The following NDRG1 variants were observed in gnomAD, a reference collection of about 807,000 sequenced individuals.
NDRG1 encodes the protein protein NDRG1.
NDRG1 carries 32 observed loss-of-function variants against 56.9 expected under a neutral mutation model. The ratio of observed to expected loss-of-function variants is 0.56; its 90% CI spans 0.42 to 0.76. The LOEUF is 0.76. NDRG1 is among the 30% of genes least tolerant of loss of function. NDRG1 has a pLI of 0.00. For missense variants in NDRG1, 507 were observed against 545.7 expected (o/e 0.93, Z 0.71); for synonymous variants, 211 against 204.1 (o/e 1.03, Z -0.29).
chr8:133,280,742 T>G (rs1418871373), intron 2 of NDRG1, among the ~76,000 whole-genome samples: 3 of 152,220 alleles, frequency 2.0e-5, no homozygotes, highest in Non-Finnish European at 4.4e-5. Flanking sequence ...GCCGAGACTT[T>G]CCTTTTCATC....
chr8:133,280,343 T>C, intron 2 of NDRG1, 76 bp from the exon 3 acceptor site: 1 of 1,417,710 alleles, frequency 7.1e-7, no homozygotes, highest in Non-Finnish European at 1.0e-6. Flanking sequence ...CATATGGGCC[T>C]TTCTATGACC....
At chr8:133,244,939 T>C (rs1386580657) in intron 13 of NDRG1, among the ~76,000 whole-genome samples, 1 of 152,056 alleles carries the variant, frequency 6.6e-6, no homozygotes, top group African/African-American at 2.4e-5. Context: ...GCTGTGAGAC[T>C]GTGCAGCCAG....
chr8:133,296,351 C>T (rs1057449453), intron 1 of NDRG1: 11 of 404,760 alleles, frequency 2.7e-5, no homozygotes, highest in South Asian at 1.9e-4. Flanking sequence ...ACCCCTCTCG[C>T]CCAGGTCACT....
chr8:133,290,356 T>C (rs1283564177), intron 1 of NDRG1, among the ~76,000 whole-genome samples: 2 of 152,118 alleles, frequency 1.3e-5, no homozygotes, highest in African/African-American at 4.8e-5. Flanking sequence ...ACAGTATCTG[T>C]GGCACTAACT....
At chr8:133,241,865 G>A (rs564181235) in intron 15 of NDRG1, 158 bp downstream of exon 15, 3 of 777,154 alleles carry the variant, frequency 3.9e-6, no homozygotes, top group African/African-American at 3.4e-5. Flanking sequence ...GATCCTCCAG[G>A]CTGCCACATG....
In NDRG1 at chr8:133,244,380, C is replaced by T; in HGVS notation, c.866G>A (p.Cys289Tyr). The T allele has an allele frequency of 6.2e-7, 1 of 1,614,236 alleles. No individual in the cohort carries two copies. Among genetic ancestry groups the T allele is most frequent in the Non-Finnish European group, 8.5e-7 (1 of 1,180,040 alleles). Residue 289 changes from cysteine (C) to tyrosine (Y), a missense_variant, in exon 14 of 16, where the codon TGT (cysteine) becomes TAT (tyrosine). Coordinates refer to ENST00000323851, the MANE Select transcript of NDRG1 (RefSeq NM_006096.4). ...TKTTLLKMAD[C>Y]GGLPQISQPA... ...CTGGGAGATCTGCGGGAGGCCGCCA[C>T]AGTCCGCCATCTAGGAGAGAGGGAA... is the stretch of plus-strand genomic sequence containing the variant.
At chr8:133,255,792 C>A (rs1163261500) in intron 8 of NDRG1, 1 of 164,718 alleles carries the variant, frequency 6.1e-6, no homozygotes, top group Non-Finnish European at 1.3e-5. Context: ...AATGCACTTG[C>A]AGAATGAGAA....
chr8:133,254,095 G>GT (rs1856233092), intron 9 of NDRG1, among the ~76,000 whole-genome samples: 1 of 150,928 alleles, frequency 6.6e-6, no homozygotes, highest in African/African-American at 2.4e-5. Flanking sequence ...AAAAAAAAGA[G>GT]TACCTACTAT....
intron 2 of NDRG1, among the ~76,000 whole-genome samples, chr8:133,283,904 G>T (rs561971709): frequency 6.6e-6 from 1 of 152,186 alleles, no homozygotes; most frequent in Non-Finnish European, 1.5e-5. Flanking sequence ...CGGGAAAGCT[G>T]AGAGAACCTC....
At chr8:133,291,090 G>A (rs71526284) in intron 1 of NDRG1, among the ~76,000 whole-genome samples, 5,007 of 152,260 alleles carry the variant, frequency 0.033, 127 homozygotes, top group African/African-American at 0.058. Context: ...GTCCCCTGGA[G>A]GCCTTCAGTG....
At position 133,260,715 on chromosome 8, in the gene NDRG1, C is replaced by G. The variant is rs1242717552; in HGVS notation, c.326+1332G>C. ...TCCTGGCCCCATACGGTTGGCTGTC[C>G]CTTCCCTTCCTCTCTGATAAAGGTT... On this transcript the variant is annotated intron_variant, in intron 5 of 15. Transcript: ENST00000323851. 2.0e-5 allele frequency among the ~76,000 whole-genome samples: 3 copies of G among 152,278 alleles called. No individual in the cohort carries two copies. The East Asian group carries it at 5.8e-4, about 29-fold the overall frequency.
Position 133,280,262 on chromosome 8 carries a change from G to A in NDRG1, c.69C>T (p.Ile23=), listed in dbSNP as rs369862936. The A allele has an allele frequency of 2.5e-6, 4 of 1,614,104 alleles. No individual in the cohort carries two copies. The highest frequency in any genetic ancestry group is 3.4e-6 in the Non-Finnish European group (4 of 1,179,992). The part of the protein sequence containing the change: ...VKPLVEKGET[I]TGLLQEFDVQ... ...CATCAAACTCTTGCAGGAGGCCGGT[G>A]ATGGTCTGTGAAAAGACAAAAAAAA... is the stretch of plus-strand genomic sequence containing the variant. The change falls in exon 3 of 16, where the codon ATC becomes ATT. Residue 23 remains isoleucine, a synonymous_variant. Coordinates refer to ENST00000323851, the MANE Select transcript of NDRG1 (RefSeq NM_006096.4).
At chr8:133,294,516 C>A (rs1858622127) in intron 1 of NDRG1, among the ~76,000 whole-genome samples, 1 of 152,204 alleles carries the variant, frequency 6.6e-6, no homozygotes, top group Non-Finnish European at 1.5e-5. Context: ...ATGGGATTCT[C>A]TGGGGTTGGG....
chr8:133,285,928 T>C (rs746249741), intron 1 of NDRG1, among the ~76,000 whole-genome samples: 1 of 152,200 alleles, frequency 6.6e-6, no homozygotes, highest in Non-Finnish European at 1.5e-5. Context: ...CTCGCCTACA[T>C]GGCCTAGGGA....
chr8:133,280,412 G>C, intron 2 of NDRG1, 145 bp from the exon 3 acceptor site: 1 of 722,230 alleles, frequency 1.4e-6, no homozygotes, highest in South Asian at 1.7e-5. Context: ...ACAAAGGCAG[G>C]CTTTCCTTTT....
At chr8:133,285,495 C>T (rs1408246104) in intron 1 of NDRG1, among the ~76,000 whole-genome samples, 5 of 152,156 alleles carry the variant, frequency 3.3e-5, no homozygotes, top group African/African-American at 7.2e-5. Flanking sequence ...ATGCAATGGT[C>T]GAGAGAATGC....
intron 3 of NDRG1, among the ~76,000 whole-genome samples, chr8:133,266,120 G>A (rs1206285305): frequency 1.3e-5 from 2 of 152,246 alleles, no homozygotes; most frequent in African/African-American, 4.8e-5. Flanking sequence ...AGCTGGCTGA[G>A]GAAGTGAAGT....
intron 3 of NDRG1, among the ~76,000 whole-genome samples, chr8:133,265,699 C>CA (rs575882294): frequency 3.3e-4 from 48 of 146,926 alleles, no homozygotes; most frequent in South Asian, 1.9e-3. Flanking sequence ...CTCTGGAAAA[C>CA]AAAAAAAAAA....
chr8:133,260,399 G>A (rs904662753), intron 5 of NDRG1, among the ~76,000 whole-genome samples: 2 of 152,188 alleles, frequency 1.3e-5, no homozygotes, highest in African/African-American at 4.8e-5. Context: ...GAAGAAACAA[G>A]TCAGGTCCCA....
Sources: gnomAD v4.1 joint callset for allele counts (sites outside exome capture counted in the v4.1 genomes callset) on GRCh38, gnomAD v4.1.1 for gene constraint, MANE v1.5 for transcripts, NCBI Gene and HGNC (gene_info 2026-07-23, HGNC 2026-07-21) for gene names.